NAV2: variants seen among roughly 807,000 people sequenced by gnomAD.
NAV2 encodes the protein neuron navigator 2.
Under a neutral mutation model 223.2 loss-of-function variants are expected in NAV2, and 54 were observed. That is an observed-to-expected ratio of 0.24 (90% CI 0.19 to 0.30). NAV2 has a LOEUF of 0.30. Ranked by LOEUF, NAV2 falls within the 10% of genes least tolerant of loss-of-function variation. NAV2 has a pLI of 1.00. For synonymous variants in NAV2, 1,279 were observed against 1,239.3 expected, an observed-to-expected ratio of 1.03 and a Z score of -0.67; for missense variants, 2,806 against 3,147.5, an observed-to-expected ratio of 0.89 and a Z score of 2.60.
intron 10 of NAV2, chr11:19,979,336 C>G (rs903163257): frequency 6.6e-6 from 1 of 152,258 alleles, no homozygotes; most frequent in Non-Finnish European, 1.5e-5. Flanking sequence ...CCCCATCTTA[C>G]AGGCAGAGGC....
At chr11:20,027,179 A>G (rs1239254370) in intron 11 of NAV2, 2 of 776,206 alleles carry the variant, frequency 2.6e-6, no homozygotes, top group Non-Finnish European at 3.1e-6. Flanking sequence ...GGGAGGAAAT[A>G]GTTAACATAC....
intron 1 of NAV2, among the ~76,000 whole-genome samples, chr11:19,367,008 G>A (rs1221163062): frequency 4.6e-5 from 7 of 152,100 alleles, no homozygotes; most frequent in African/African-American, 1.4e-4. Context: ...TGGTATTTGG[G>A]TCATTAATCC....
At chr11:19,518,229 G>A (rs2043522759) in intron 1 of NAV2, among the ~76,000 whole-genome samples, 2 of 152,216 alleles carry the variant, frequency 1.3e-5, no homozygotes, top group South Asian at 4.1e-4. Context: ...AACACATTTT[G>A]TTATGCATCT....
intron 1 of NAV2, among the ~76,000 whole-genome samples, chr11:19,793,708 C>G (rs115469419): frequency 6.6e-6 from 1 of 151,844 alleles, no homozygotes; most frequent in African/African-American, 2.4e-5. Flanking sequence ...CTTTCCCTGG[C>G]TACTCAAGGA....
chr11:19,619,078 G>T (rs548676331), intron 1 of NAV2, among the ~76,000 whole-genome samples: 6 of 148,268 alleles, frequency 4.0e-5, no homozygotes, highest in South Asian at 4.4e-4. Flanking sequence ...TCCCTACAAA[G>T]GACATGAACT....
At chr11:19,575,546 G>C (rs1249381948) in intron 1 of NAV2, among the ~76,000 whole-genome samples, 1 of 152,204 alleles carries the variant, frequency 6.6e-6, no homozygotes. Flanking sequence ...TGTACCCGCA[G>C]GAGAAGCTCT....
intron 6 of NAV2, among the ~76,000 whole-genome samples, chr11:19,898,663 A>G (rs2153178948): frequency 6.6e-6 from 1 of 152,228 alleles, no homozygotes; most frequent in Admixed American, 6.5e-5. Flanking sequence ...TGTTTTTTAC[A>G]TGTATATAAC....
At chr11:19,708,038 G>T (rs527748198), upstream of NAV2, among the ~76,000 whole-genome samples, 4 of 152,314 alleles carry the variant, frequency 2.6e-5, no homozygotes, top group South Asian at 8.3e-4. Context: ...GCTTCTGCAG[G>T]TAGGGGAACC....
chr11:19,982,212 CATTTT>C lies in NAV2; in HGVS notation c.2646-1908_2646-1904del, dbSNP rs577587395. ...TTAATTCATATATCATGAAATTCAC[CATTTT>C]ATTTATTTATTTTTGGGGTTTTCTT... On this transcript the variant is annotated intron_variant, in intron 10 of 37. Transcript: ENST00000349880. Among the ~76,000 whole-genome samples, 618 of 151,612 alleles carry C rather than the reference CATTTT, an allele frequency of 4.1e-3. 9 individuals carry two copies. Among genetic ancestry groups the C allele is most frequent in the African/African-American group, 0.014 (579 of 41,292 alleles).
At chr11:19,455,860 C>A (rs910307156) in intron 1 of NAV2, among the ~76,000 whole-genome samples, 2 of 152,232 alleles carry the variant, frequency 1.3e-5, no homozygotes, top group African/African-American at 2.4e-5. Flanking sequence ...GCACCAGAAC[C>A]TACTGCATCA....
chr11:19,641,487 G>A (rs547064480), intron 1 of NAV2, among the ~76,000 whole-genome samples: 2 of 152,110 alleles, frequency 1.3e-5, no homozygotes, highest in South Asian at 2.1e-4. Context: ...CAGCCAATGA[G>A]TTGAAACCCT....
At chr11:20,086,555 T>C (rs1316880144) in intron 26 of NAV2, among the ~76,000 whole-genome samples, 2 of 152,136 alleles carry the variant, frequency 1.3e-5, no homozygotes, top group Non-Finnish European at 2.9e-5. Context: ...GAGGTTTTCC[T>C]TGATTATTTG....
intron 4 of NAV2, among the ~76,000 whole-genome samples, chr11:19,869,860 C>T (rs1342222812): frequency 2.0e-5 from 3 of 152,128 alleles, no homozygotes; most frequent in Admixed American, 6.6e-5. Flanking sequence ...AAGGAAACAG[C>T]CAAATTGAGC....
chr11:19,504,927 G>A (rs944727739), intron 1 of NAV2: 4 of 152,216 alleles, frequency 2.6e-5, no homozygotes, highest in Admixed American at 1.3e-4. Context: ...TTCAGATGAG[G>A]AACCTCAGGC....
chr11:19,720,613 T>C (rs2050675718), intron 1 of NAV2, among the ~76,000 whole-genome samples: 1 of 152,218 alleles, frequency 6.6e-6, no homozygotes, highest in African/African-American at 2.4e-5. Flanking sequence ...TTTGGAAGAC[T>C]TTGAACAAAA....
At chr11:19,854,023 C>G (rs928956194) in intron 3 of NAV2, among the ~76,000 whole-genome samples, 2 of 152,020 alleles carry the variant, frequency 1.3e-5, no homozygotes, top group African/African-American at 2.4e-5. Context: ...TGAGGCTGAC[C>G]GAGGTTGGGG....
chr11:19,991,448 T>C (rs1401774324), intron 11 of NAV2, among the ~76,000 whole-genome samples: 2 of 152,172 alleles, frequency 1.3e-5, no homozygotes, highest in Admixed American at 1.3e-4. Flanking sequence ...CTCTAATTCT[T>C]AGGTCCTGCA....
intron 1 of NAV2, among the ~76,000 whole-genome samples, chr11:19,527,558 C>T (rs535537704): frequency 5.9e-5 from 9 of 152,044 alleles, no homozygotes; most frequent in Non-Finnish European, 1.0e-4. Context: ...GGACAGACAT[C>T]AGGCTCTCCA....
At chr11:19,376,087 A>T (rs886599676) in intron 1 of NAV2, among the ~76,000 whole-genome samples, 1 of 152,220 alleles carries the variant, frequency 6.6e-6, no homozygotes, top group Non-Finnish European at 1.5e-5. Context: ...TGAGACCTTA[A>T]AAGCCAGATA....
Sources: gnomAD v4.1 joint callset for allele counts (sites outside exome capture counted in the v4.1 genomes callset) on GRCh38, gnomAD v4.1.1 for gene constraint, MANE v1.5 for transcripts, NCBI Gene and HGNC (gene_info 2026-07-23, HGNC 2026-07-21) for gene names.